Variants in TPR observed in about 807,000 individuals in gnomAD.
TPR encodes nucleoprotein TPR.
TPR carries 51 observed loss-of-function variants against 316.1 expected under a neutral mutation model. That is an observed-to-expected ratio of 0.16 (90% confidence interval 0.13 to 0.20). The LOEUF (loss-of-function observed/expected upper bound fraction) is 0.20, where lower values mean the gene tolerates loss of function less well. TPR is among the 10% of genes least tolerant of loss of function. The pLI is 1.00. For synonymous variants in TPR, 981 were observed against 914.7 expected, an observed-to-expected ratio of 1.07 and a Z score of -1.31; for missense variants, 2,272 against 2,754.8, an observed-to-expected ratio of 0.82 and a Z score of 3.92.
chr1:186,356,959 G>A (rs1659047073), intron 14 of TPR, among the ~76,000 whole-genome samples: 1 of 152,120 alleles, frequency 6.6e-6, no homozygotes, highest in Non-Finnish European at 1.5e-5. Flanking sequence ...CTGAGGTCTT[G>A]GAGTAGAAAT....
chr1:186,346,783 C>T (rs1658693669), intron 22 of TPR, among the ~76,000 whole-genome samples: 1 of 152,112 alleles, frequency 6.6e-6, no homozygotes. Context: ...ATCAATGGCT[C>T]TTAATAAACC....
Position 186,347,473 on chromosome 1 carries a change from A to G in TPR, c.2777-15T>C. On this transcript the variant is annotated splice_polypyrimidine_tract_variant and intron_variant, in intron 21 of 50. Coordinates refer to ENST00000367478, the MANE Select transcript of TPR (RefSeq NM_003292.3). ...GCTAGGCTGACCTAAAAGACATAAC[A>G]GCTCTGTTAAAATTAACATTTTCAA... 6.2e-7 allele frequency: 1 copy of G among 1,609,886 alleles called. No homozygotes were observed. Among genetic ancestry groups the G allele is most frequent in the South Asian group, 1.1e-5 (1 of 90,164 alleles).
At chr1:186,351,521 A>G (rs760897947) in intron 19 of TPR, 51 bp from the exon 20 acceptor site, 74 of 1,492,236 alleles carry the variant, frequency 5.0e-5, no homozygotes, top group Non-Finnish European at 6.5e-5. Context: ...GGCAATACAA[A>G]AAAATAAAAA....
intron 13 of TPR, among the ~76,000 whole-genome samples, chr1:186,358,039 C>T (rs370760454): frequency 1.8e-4 from 28 of 152,108 alleles, no homozygotes; most frequent in African/African-American, 6.3e-4. Flanking sequence ...TTGTGCATTG[C>T]GTGGATGTAC....
Position 186,312,385 on chromosome 1 carries a change from T to C in TPR, c.*1586A>G. ...TATCAAGACAAAGGTAACATTTTTA[T>C]TGTGTTAAAAAAATCCTTAAACATA... On this transcript the variant is annotated 3_prime_UTR_variant, in exon 51 of 51. Coordinates refer to ENST00000367478, the MANE Select transcript of TPR (RefSeq NM_003292.3). 6.3e-7 allele frequency: 1 copy of C among 1,597,910 alleles called. No individual in the cohort carries two copies. The highest frequency in any genetic ancestry group is 2.2e-5 in the East Asian group (1 of 44,756).
chr1:186,325,839 C>A lies in TPR; in HGVS notation c.6037G>T (p.Asp2013Tyr). The change falls in exon 42 of 51, where the codon GAT becomes TAT. Residue 2013 changes from aspartate to tyrosine, a missense_variant. Physicochemically the swap from Asp to Tyr is radical, Grantham distance 160. Transcript: ENST00000367478. ...CTTTCTTCTGTTTCTGTACCTGGAT[C>A]AGTCCCATCACCACCCTAAAAACAA... ...ADDAEGGDGT[D>Y]PGTETEESMG... 1 of 1,613,526 alleles carries A rather than the reference C, an allele frequency of 6.2e-7. No individual in the cohort carries two copies. Among genetic ancestry groups the A allele is most frequent in the Non-Finnish European group, 8.5e-7 (1 of 1,179,702 alleles).
At chr1:186,333,063 C>A in intron 37 of TPR, 59 bp downstream of exon 37, 1 of 1,560,468 alleles carries the variant, frequency 6.4e-7, no homozygotes, top group Non-Finnish European at 8.7e-7. Context: ...ACTCAAGATA[C>A]ACTCAAGATC....
chr1:186,358,128 ACAGTC>A (rs369927338), intron 13 of TPR, among the ~76,000 whole-genome samples: 131 of 152,324 alleles, frequency 8.6e-4, no homozygotes, highest in African/African-American at 3.0e-3. Context: ...AGTAATGCAT[ACAGTC>A]CAGTCTTACT....
chr1:186,319,546 C>T (rs1466344589), intron 46 of TPR, among the ~76,000 whole-genome samples: 1 of 152,152 alleles, frequency 6.6e-6, no homozygotes. Flanking sequence ...AATCACATAA[C>T]ATTTTAAATT....
At chr1:186,344,254 T>A in intron 25 of TPR, 121 bp downstream of exon 25, 1 of 1,368,832 alleles carries the variant, frequency 7.3e-7, no homozygotes, top group Non-Finnish European at 9.9e-7. Flanking sequence ...GACCCCAATA[T>A]CACGCCATTG....
chr1:186,373,262 T>C (rs1659587392), intron 2 of TPR, 97 bp downstream of exon 2: 1 of 726,786 alleles, frequency 1.4e-6, no homozygotes, highest in South Asian at 2.8e-5. Flanking sequence ...AATCAATATT[T>C]TCATGTTTAG....
chr1:186,322,221 T>G (rs1022724296), intron 45 of TPR, 97 bp downstream of exon 45: 30 of 1,185,144 alleles, frequency 2.5e-5, no homozygotes, highest in Non-Finnish European at 3.4e-5. Context: ...AGAGAGGGAC[T>G]CAACAAACAA....
chr1:186,329,644 T>G (rs987622990), intron 39 of TPR, among the ~76,000 whole-genome samples: 3 of 152,152 alleles, frequency 2.0e-5, no homozygotes, highest in Admixed American at 1.3e-4. Context: ...TGTTGGCACC[T>G]AAAAAGTTTT....
intron 3 of TPR, 117 bp downstream of exon 3, chr1:186,370,853 C>T: frequency 1.3e-6 from 1 of 777,144 alleles, no homozygotes; most frequent in Non-Finnish European, 2.1e-6. Flanking sequence ...TGGTAGCTTC[C>T]CCTAATAGGA....
intron 42 of TPR, chr1:186,325,457 G>A (rs1657895759): frequency 9.7e-6 from 2 of 205,328 alleles, no homozygotes; most frequent in Non-Finnish European, 1.9e-5. Context: ...GTGAACTGCT[G>A]TTACAAGTAG....
At chr1:186,319,199 G>A (rs1657699189) in intron 46 of TPR, among the ~76,000 whole-genome samples, 1 of 151,938 alleles carries the variant, frequency 6.6e-6, no homozygotes, top group South Asian at 2.1e-4. Context: ...ATGTTGTCAA[G>A]GCTGCACCTG....
Position 186,362,850 on chromosome 1 carries a change from T to A in TPR, c.683A>T (p.Asn228Ile). ...TTACTAACTTACCTCTTCTTTTTTA[T>A]TTTCAAGATTACATTTAAGCTCTAG... ...EILELKCNLE[N>I]KKEEVSRLEE... Residue 228 changes from asparagine (N) to isoleucine (I), a missense_variant, in exon 6 of 51, where the codon AAT becomes ATT. By Grantham distance (149) the Asn-to-Ile change is moderately radical. Coordinates refer to ENST00000367478, the MANE Select transcript of TPR (RefSeq NM_003292.3). The A allele has an allele frequency of 6.3e-7, 1 of 1,584,720 alleles. No homozygotes were observed. Among genetic ancestry groups the A allele is most frequent in the Non-Finnish European group, 8.5e-7 (1 of 1,172,216 alleles).
chr1:186,315,490 C>T (rs182492433), intron 49 of TPR, among the ~76,000 whole-genome samples: 75 of 152,158 alleles, frequency 4.9e-4, no homozygotes, highest in Non-Finnish European at 9.1e-4. Context: ...TATCCCAAAT[C>T]TGACAACTTC....
rs368322703 is a variant in TPR at position 186,338,111 on chromosome 1, G to C, written c.4284C>G (p.Val1428=). The C allele has an allele frequency of 5.6e-5, 90 of 1,612,018 alleles. No homozygotes were observed. Among genetic ancestry groups the C allele is most frequent in the Non-Finnish European group, 7.3e-5 (86 of 1,179,326 alleles). ...DAKIIDIQEK[V]KTITQVKKIG... ...TTTTCTTAACTTGAGTAATAGTTTT[G>C]ACTTTTTCTTGGATATCAATTATTT... Residue 1428 remains valine (V), a synonymous_variant, in exon 31 of 51, where the codon GTC becomes GTG. Transcript: ENST00000367478.
Sources: gnomAD v4.1 joint callset for allele counts (sites outside exome capture counted in the v4.1 genomes callset) on GRCh38, gnomAD v4.1.1 for gene constraint, MANE v1.5 for transcripts, NCBI Gene and HGNC (gene_info 2026-07-23, HGNC 2026-07-21) for gene names.